Variants in SPTLC3 observed in about 807,000 individuals in gnomAD.
SPTLC3 encodes the protein serine palmitoyltransferase 3.
A neutral mutation model predicts 59.3 loss-of-function variants in SPTLC3; 36 were observed. That is an observed-to-expected ratio of 0.61 (90% confidence interval 0.47 to 0.80). The LOEUF is 0.80. Among genes scored for constraint, SPTLC3 ranks in the 30% least tolerant of loss-of-function variants. The pLI is 0.00. For missense variants in SPTLC3, 625 were observed against 685.1 expected (o/e 0.91, Z 0.98); for synonymous variants, 257 against 240.8 (o/e 1.07, Z -0.62).
intron 6 of SPTLC3, among the ~76,000 whole-genome samples, chr20:13,109,464 A>C (rs1990101301): frequency 6.6e-6 from 1 of 152,216 alleles, no homozygotes; most frequent in Admixed American, 6.5e-5. Flanking sequence ...TGCTACTAGT[A>C]CTTCCTCCAG....
rs2123030688 is a variant in SPTLC3 at position 13,168,861 on chromosome 20, T to C, written c.*3994T>C. ...AATGCCCTACTCAGCTGCATAATGT[T>C]TAGAAAATTAAAGAGTCTGTATTTT... On this transcript the variant is annotated 3_prime_UTR_variant, in exon 12 of 12. Coordinates refer to ENST00000399002, the MANE Select transcript of SPTLC3 (RefSeq NM_018327.4). The C allele has an allele frequency of 6.6e-6, 1 of 152,222 alleles. No homozygotes were observed. Among genetic ancestry groups the C allele is most frequent in the South Asian group, 2.1e-4 (1 of 4,808 alleles). 9.4% of individuals were successfully genotyped at this position (152,222 alleles called of 1,614,324 possible).
Position 13,117,586 on chromosome 20 carries a change from C to T in SPTLC3, c.1013C>T (p.Ala338Val), listed in dbSNP as rs1339962055. The change falls in exon 8 of 12, where the codon GCT (alanine) becomes GTT (valine). Residue 338 changes from alanine to valine, a missense_variant. Physicochemically the swap from Ala to Val is moderately conservative, Grantham distance 64. Transcript: ENST00000399002. ...AAGGCTTACCTCTACATAGATGAAG[C>T]TCACAGTATTGGGGCCGTGGGCCCA... ...KYKAYLYIDE[A>V]HSIGAVGPTG... 4 of 1,613,832 alleles carry T rather than the reference C, an allele frequency of 2.5e-6. No individual in the cohort carries two copies. In the African/African-American group the frequency reaches 5.3e-5, roughly 22 times the overall value.
chr20:13,154,230 T>C, intron 10 of SPTLC3, 92 bp downstream of exon 10: 2 of 1,502,862 alleles, frequency 1.3e-6, no homozygotes, highest in Non-Finnish European at 1.8e-6. Context: ...GCATCTGGAA[T>C]GGGGTGAGTG....
At chr20:13,075,106 A>C (rs1425764803) in intron 4 of SPTLC3, among the ~76,000 whole-genome samples, 1 of 150,844 alleles carries the variant, frequency 6.6e-6, no homozygotes. Context: ...TGGCATGAGG[A>C]TAGAGAGAGG....
At chr20:13,059,976 TC>T (rs1209819796) in intron 2 of SPTLC3, among the ~76,000 whole-genome samples, 2 of 152,172 alleles carry the variant, frequency 1.3e-5, no homozygotes, top group Non-Finnish European at 2.9e-5. Flanking sequence ...ACTTAGGGCC[TC>T]TAGTCACTGA....
chr20:13,153,432 A>G (rs1467532181), intron 9 of SPTLC3, among the ~76,000 whole-genome samples: 4 of 152,036 alleles, frequency 2.6e-5, no homozygotes, highest in African/African-American at 9.7e-5. Context: ...CCTCCCTTCT[A>G]TTAGTCTACC....
chr20:13,060,356 T>C (rs1228208951), intron 2 of SPTLC3, among the ~76,000 whole-genome samples: 1 of 151,236 alleles, frequency 6.6e-6, no homozygotes, highest in East Asian at 1.9e-4. Flanking sequence ...AACTTATGTG[T>C]AGGAGAAGGC....
At chr20:13,069,653 CAGGCCACAGACTGGT>C in intron 2 of SPTLC3, among the ~76,000 whole-genome samples, 1 of 152,156 alleles carries the variant, frequency 6.6e-6, no homozygotes, top group East Asian at 1.9e-4. Context: ...TGGTTCCTAA[CAGGCCACAGACTGGT>C]ACCTGTCTGC....
chr20:13,115,422 T>C (rs890885483), intron 7 of SPTLC3, among the ~76,000 whole-genome samples: 1 of 152,152 alleles, frequency 6.6e-6, no homozygotes, highest in Non-Finnish European at 1.5e-5. Flanking sequence ...ACCAGCCCCA[T>C]GGAAGGATGG....
intron 6 of SPTLC3, among the ~76,000 whole-genome samples, chr20:13,109,044 C>T (rs1263734729): frequency 1.3e-5 from 2 of 152,080 alleles, no homozygotes; most frequent in African/African-American, 4.8e-5. Flanking sequence ...TAAACCTCGG[C>T]CATTTTTTTC....
intron 2 of SPTLC3, among the ~76,000 whole-genome samples, chr20:13,065,799 C>A (rs1555790655): frequency 4.0e-5 from 5 of 126,086 alleles, no homozygotes; most frequent in Non-Finnish European, 8.8e-5. Flanking sequence ...TTTAAAAATT[C>A]TAAATATTTA....
chr20:13,083,220 T>C (rs367590427), intron 4 of SPTLC3, among the ~76,000 whole-genome samples: 1 of 152,162 alleles, frequency 6.6e-6, no homozygotes, highest in East Asian at 1.9e-4. Context: ...ACTTTCCCTA[T>C]TTTTCATCTA....
intron 2 of SPTLC3, among the ~76,000 whole-genome samples, chr20:13,056,148 A>G (rs1315753897): frequency 6.6e-6 from 1 of 152,184 alleles, no homozygotes; most frequent in Admixed American, 6.5e-5. Context: ...CCCTGTTGCT[A>G]CAAGAACTGC....
chr20:13,031,038 T>C (rs1986416752), intron 1 of SPTLC3, among the ~76,000 whole-genome samples: 3 of 152,114 alleles, frequency 2.0e-5, no homozygotes, highest in Non-Finnish European at 4.4e-5. Context: ...AGCTATTCAG[T>C]CTCTGTTACA....
intron 8 of SPTLC3, among the ~76,000 whole-genome samples, chr20:13,119,861 G>A (rs890043821): frequency 6.6e-6 from 1 of 152,200 alleles, no homozygotes; most frequent in African/African-American, 2.4e-5. Flanking sequence ...TATCCCTGAT[G>A]ACTTAAAAAT....
intron 2 of SPTLC3, among the ~76,000 whole-genome samples, chr20:13,064,853 A>G (rs1373132746): frequency 1.3e-5 from 2 of 152,082 alleles, no homozygotes; most frequent in African/African-American, 2.4e-5. Flanking sequence ...CGTATTTCTT[A>G]TGTTCTTTAG....
chr20:13,155,832 T>A (rs543735187), intron 10 of SPTLC3, among the ~76,000 whole-genome samples: 3 of 151,928 alleles, frequency 2.0e-5, no homozygotes, highest in African/African-American at 7.3e-5. Context: ...TCTAAAAAAA[T>A]AATAATAATA....
intron 5 of SPTLC3, 21 bp downstream of exon 5, chr20:13,091,228 T>TGTTAACATAATAACA (rs1180687109): frequency 6.2e-7 from 1 of 1,610,468 alleles, no homozygotes; most frequent in Non-Finnish European, 8.5e-7. Flanking sequence ...TTAACCTAAT[T>TGTTAACATAATAACA]GTCTTCTACT....
chr20:13,136,684 G>C (rs1484428770), intron 9 of SPTLC3, among the ~76,000 whole-genome samples: 1 of 145,372 alleles, frequency 6.9e-6, no homozygotes, highest in Non-Finnish European at 1.5e-5. Flanking sequence ...TACTTATATA[G>C]TATATAAATA....
Sources: allele counts gnomAD v4.1 joint callset (sites outside exome capture counted in the v4.1 genomes callset), GRCh38; gene constraint gnomAD v4.1.1; transcripts MANE v1.5; gene names NCBI Gene and HGNC (gene_info 2026-07-23, HGNC 2026-07-21).